Variants in SNX29 observed in about 807,000 individuals in gnomAD.
SNX29 encodes sorting nexin-29.
Under a neutral mutation model 102.1 loss-of-function variants are expected in SNX29, and 78 were observed. The observed-to-expected ratio is 0.76, with a 90% CI of 0.64 to 0.92. The LOEUF is 0.92. Among genes scored for constraint, SNX29 ranks in the 40% least tolerant of loss-of-function variants. SNX29 has a pLI of 0.00. For missense variants in SNX29, 1,280 were observed against 1,061.7 expected, an observed-to-expected ratio of 1.21 and a Z score of -2.86; for synonymous variants, 580 against 414.5, an observed-to-expected ratio of 1.40 and a Z score of -4.85.
At position 12,048,550 on chromosome 16, in the gene SNX29, C is replaced by G; in HGVS notation, c.678C>G (p.Ala226=). The G allele has an allele frequency of 6.2e-7, 1 of 1,613,918 alleles. No individual in the cohort carries two copies. Among genetic ancestry groups the G allele is most frequent in the African/African-American group, 1.3e-5 (1 of 75,000 alleles). The change falls in exon 7 of 21, where the codon GCC becomes GCG. Residue 226 remains alanine (A), a synonymous_variant. Coordinates refer to ENST00000566228, the MANE Select transcript of SNX29 (RefSeq NM_032167.5). The stretch of plus-strand genomic sequence containing the variant: ...TCAGGGAGATCACAGCCTCCTCTGC[C>G]GTCTCCATCCTCATCAAACCTGAAC... ...SLFREITASS[A]VSILIKPEQE...
At chr16:12,562,225 G>C (rs1434616379) in intron 20 of SNX29, among the ~76,000 whole-genome samples, 1 of 152,124 alleles carries the variant, frequency 6.6e-6, no homozygotes, top group Non-Finnish European at 1.5e-5. Flanking sequence ...AGGTGGCCAA[G>C]TTCAGAAGTG....
At chr16:12,119,167 C>T (rs1411927271) in intron 11 of SNX29, among the ~76,000 whole-genome samples, 7 of 152,192 alleles carry the variant, frequency 4.6e-5, no homozygotes, top group Admixed American at 4.6e-4. Flanking sequence ...CTGGTGGCAG[C>T]CATGTCCCCG....
At chr16:12,132,375 C>T (rs1167156137) in intron 13 of SNX29, among the ~76,000 whole-genome samples, 1 of 152,238 alleles carries the variant, frequency 6.6e-6, no homozygotes, top group Non-Finnish European at 1.5e-5. Context: ...GCTTGGATTA[C>T]AGGCGTGAGC....
intron 14 of SNX29, among the ~76,000 whole-genome samples, chr16:12,210,391 G>A (rs1464791695): frequency 2.0e-5 from 3 of 150,456 alleles, no homozygotes; most frequent in Admixed American, 1.3e-4. Flanking sequence ...GCAGCTGGAC[G>A]ATCATAGTTC....
intron 13 of SNX29, among the ~76,000 whole-genome samples, chr16:12,189,414 A>G (rs2076588527): frequency 6.6e-6 from 1 of 152,160 alleles, no homozygotes; most frequent in Non-Finnish European, 1.5e-5. Context: ...AGGCCAGTTT[A>G]TTGTGCAGAA....
rs150666493 is a variant in SNX29 at position 12,218,988 on chromosome 16, T to A, written c.1678+19305T>A. ...ACGGGGTTTCACTGTGTTAGCCAGG[T>A]TGGTCTCGATCTCCTGACCTTGTGA... On this transcript the variant is annotated intron_variant, in intron 14 of 20. Coordinates refer to ENST00000566228, the MANE Select transcript of SNX29 (RefSeq NM_032167.5). Among the ~76,000 whole-genome samples the A allele has an allele frequency of 6.1e-3, 933 of 152,096 alleles. 7 individuals carry two copies. The highest frequency in any genetic ancestry group is 0.03 in the East Asian group (156 of 5,158).
intron 1 of SNX29, among the ~76,000 whole-genome samples, chr16:11,978,173 G>A (rs548392378): frequency 6.6e-6 from 1 of 152,072 alleles, no homozygotes; most frequent in South Asian, 2.1e-4. Context: ...CTGGTGAGGG[G>A]GAGTTTCCTG....
In SNX29 at chr16:12,554,750, G is replaced by A. The variant is rs1035043495; in HGVS notation, c.2319-13756G>A. 3.3e-5 allele frequency among the ~76,000 whole-genome samples: 5 copies of A among 152,074 alleles called. 1 individual carries two copies. Among genetic ancestry groups the A allele is most frequent in the Admixed American group, 1.3e-4 (2 of 15,276 alleles). On this transcript the variant is annotated intron_variant, in intron 20 of 20. Transcript: ENST00000566228. ...CTTTCAGTTTGCATTTTCCTTAAGTGTATTAGAACGTGCTCTCTCCCCCGC... is the reference window on the plus strand; with the variant it reads ...CTTTCAGTTTGCATTTTCCTTAAGTATATTAGAACGTGCTCTCTCCCCCGC...
intron 20 of SNX29, among the ~76,000 whole-genome samples, chr16:12,553,115 G>T (rs942854629): frequency 6.8e-6 from 1 of 147,606 alleles, no homozygotes; most frequent in African/African-American, 2.7e-5. Flanking sequence ...CTTTCAGGCT[G>T]GGAGGGCCTT....
Position 11,987,761 on chromosome 16 carries a change from G to A in SNX29, c.7+10948G>A, listed in dbSNP as rs368276700. ...AAAGCAAGTAATGAATGTATAGTGC[G>A]TTTCTCAGGACCTGGAACATAGAGG... On this transcript the variant is annotated intron_variant, in intron 1 of 20. Coordinates refer to ENST00000566228, the MANE Select transcript of SNX29 (RefSeq NM_032167.5). Among the ~76,000 whole-genome samples the A allele has an allele frequency of 7.9e-5, 12 of 152,270 alleles. No individual in the cohort carries two copies. The South Asian group carries it at 2.1e-3, about 26-fold the overall frequency.
At chr16:12,564,882 G>A (rs575969124) in intron 20 of SNX29, among the ~76,000 whole-genome samples, 13 of 150,376 alleles carry the variant, frequency 8.6e-5, no homozygotes, top group Non-Finnish European at 1.9e-4. Context: ...TCACTCTGAG[G>A]ATCCTGTGGG....
At chr16:12,165,871 G>C (rs368047574) in intron 13 of SNX29, among the ~76,000 whole-genome samples, 2 of 152,346 alleles carry the variant, frequency 1.3e-5, no homozygotes, top group African/African-American at 4.8e-5. Context: ...GCCAGACTTT[G>C]ATTCCCTTCT....
intron 20 of SNX29, among the ~76,000 whole-genome samples, chr16:12,551,786 G>A (rs1019725355): frequency 7.9e-5 from 12 of 152,208 alleles, no homozygotes; most frequent in Non-Finnish European, 1.6e-4. Flanking sequence ...CGCTTCAGAA[G>A]CACATGGGCA....
chr16:12,143,570 G>C (rs949110672), intron 13 of SNX29, among the ~76,000 whole-genome samples: 1 of 152,152 alleles, frequency 6.6e-6, no homozygotes, highest in Non-Finnish European at 1.5e-5. Context: ...AAACCACGGT[G>C]GTAACAGACC....
intron 18 of SNX29, among the ~76,000 whole-genome samples, chr16:12,474,518 G>A (rs1567601075): frequency 6.6e-6 from 1 of 152,186 alleles, no homozygotes; most frequent in Admixed American, 6.5e-5. Context: ...TGGAGAGAGA[G>A]CAGTTGGAGA....
intron 20 of SNX29, among the ~76,000 whole-genome samples, chr16:12,563,181 C>G (rs776525825): frequency 7.5e-6 from 1 of 132,706 alleles, no homozygotes; most frequent in Non-Finnish European, 1.6e-5. Context: ...TCAGGGATGT[C>G]ACTTCCCACA....
intron 19 of SNX29, among the ~76,000 whole-genome samples, chr16:12,520,496 G>T (rs771957444): frequency 1.3e-5 from 2 of 152,174 alleles, no homozygotes; most frequent in African/African-American, 2.4e-5. Flanking sequence ...GACCAGCCTT[G>T]GCTGTGCTGT....
At chr16:12,360,731 G>C (rs2082277695) in intron 16 of SNX29, among the ~76,000 whole-genome samples, 1 of 150,330 alleles carries the variant, frequency 6.7e-6, no homozygotes, top group Non-Finnish European at 1.5e-5. Flanking sequence ...CCAAGACTTT[G>C]TACATGTTTT....
intron 20 of SNX29, among the ~76,000 whole-genome samples, chr16:12,536,664 A>T (rs1244973994): frequency 6.6e-6 from 1 of 152,280 alleles, no homozygotes; most frequent in African/African-American, 2.4e-5. Context: ...CCTTAGATCC[A>T]GGGAAGAGCT....
Sources: gnomAD v4.1 joint callset for allele counts (sites outside exome capture counted in the v4.1 genomes callset) on GRCh38, gnomAD v4.1.1 for gene constraint, MANE v1.5 for transcripts, NCBI Gene and HGNC (gene_info 2026-07-23, HGNC 2026-07-21) for gene names.